Variants in SHMT2 observed in about 807,000 individuals in gnomAD.
SHMT2 encodes serine hydroxymethyltransferase 2.
Under a neutral mutation model 59.6 loss-of-function variants are expected in SHMT2, and 38 were observed. That is an observed-to-expected ratio of 0.64 (90% CI 0.49 to 0.84). The LOEUF (loss-of-function observed/expected upper bound fraction) is 0.84, where lower values mean the gene tolerates loss of function less well. Ranked by LOEUF, SHMT2 falls within the 40% of genes least tolerant of loss-of-function variation. The probability of loss-of-function intolerance (pLI) is 0.00; values close to 1 mark genes in which losing one functional copy is unlikely to be tolerated. For missense variants in SHMT2, 533 were observed against 659.5 expected (o/e 0.81, Z 2.10); for synonymous variants, 254 against 258.1 (o/e 0.98, Z 0.15).
chr12:57,232,484 T>G lies in SHMT2; in HGVS notation c.626T>G (p.Leu209Arg). The change falls in exon 6 of 12, where the codon CTG becomes CGG. Residue 209 changes from leucine to arginine, a missense_variant. Physicochemically the swap from Leu to Arg is moderately radical, Grantham distance 102 (BLOSUM62 -2). Coordinates refer to ENST00000328923, the MANE Select transcript of SHMT2 (RefSeq NM_005412.6). ...ACTGGCCTCATTGACTACAACCAGC[T>G]GGCACTGACTGCTCGACTTTTCCGG... ...PKTGLIDYNQ[L>R]ALTARLFRPR... 6.2e-7 allele frequency: 1 copy of G among 1,614,244 alleles called. No homozygotes were observed. Among genetic ancestry groups the G allele is most frequent in the Non-Finnish European group, 8.5e-7 (1 of 1,180,034 alleles).
chr12:57,232,094 G>A, intron 4 of SHMT2, 117 bp from the exon 5 acceptor site: 5 of 1,139,948 alleles, frequency 4.4e-6, no homozygotes, highest in Non-Finnish European at 6.6e-6. Flanking sequence ...GGACAGAGCA[G>A]TGAGGCGGTG....
Position 57,233,888 on chromosome 12 carries a change from G to C in SHMT2, c.1263G>C (p.Pro421=). ...CTGGAGACCGAAGTGCCATCACACC[G>C]GGCGGCCTGCGGCTTGGTGAGACCT... ...TCPGDRSAIT[P]GGLRLGAPAL... The change falls in exon 10 of 12, where the codon CCG becomes CCC. Residue 421 remains proline (P), a synonymous_variant. Coordinates refer to ENST00000328923, the MANE Select transcript of SHMT2 (RefSeq NM_005412.6). The C allele has an allele frequency of 6.2e-7, 1 of 1,614,174 alleles. No individual in the cohort carries two copies. Among genetic ancestry groups the C allele is most frequent in the Non-Finnish European group, 8.5e-7 (1 of 1,180,042 alleles).
At chr12:57,231,234 C>G in intron 2 of SHMT2, 1 of 581,206 alleles carries the variant, frequency 1.7e-6, no homozygotes, top group South Asian at 2.1e-5. Context: ...TCCTTCCTTC[C>G]TCCTATGAGG....
intron 9 of SHMT2, 34 bp from the exon 10 acceptor site, chr12:57,233,715 G>A (rs1010318895): frequency 6.2e-7 from 1 of 1,613,324 alleles, no homozygotes; most frequent in Non-Finnish European, 8.5e-7. Flanking sequence ...CAGAGGCCCA[G>A]GACTCACCAC....
intron 2 of SHMT2, 105 bp from the exon 3 acceptor site, chr12:57,231,376 T>C: frequency 8.2e-7 from 1 of 1,212,760 alleles, no homozygotes; most frequent in Non-Finnish European, 1.2e-6. Flanking sequence ...TGGAGCTTTC[T>C]GCAGGGAGTA....
rs371899328 is a variant in SHMT2 at position 57,234,228 on chromosome 12, C to T, written c.1388-6C>T. ...GACCACTTGTTTCCTCACCCTCTCTCTCTAGCCAAGCTCCAGGATTTCAAA... is the reference window on the plus strand; with the variant it reads ...GACCACTTGTTTCCTCACCCTCTCTTTCTAGCCAAGCTCCAGGATTTCAAA... On this transcript the variant is annotated splice_polypyrimidine_tract_variant and splice_region_variant and intron_variant, in intron 11 of 11. Transcript: ENST00000328923. 1.9e-6 allele frequency: 3 copies of T among 1,611,866 alleles called. No homozygotes were observed. The highest frequency in any genetic ancestry group is 2.5e-6 in the Non-Finnish European group (3 of 1,178,616).
In SHMT2 at chr12:57,231,907, G is replaced by A; in HGVS notation, c.506G>A (p.Gly169Glu). ...ATCATGGGGCTGGACCTGCCCGATG[G>A]GGGCCAGTGAGTATGGATGGGCTGG... The part of the protein sequence containing the change: ...DRIMGLDLPD[G>E]GHLTHGYMSD... The change falls in exon 4 of 12, where the codon GGG becomes GAG. Residue 169 changes from glycine (G) to glutamate (E), a missense_variant. Physicochemically the swap from Gly to Glu is moderately conservative, Grantham distance 98 (BLOSUM62 -2). Coordinates refer to ENST00000328923, the MANE Select transcript of SHMT2 (RefSeq NM_005412.6). 6.2e-7 allele frequency: 1 copy of A among 1,607,402 alleles called. No homozygotes were observed. Among genetic ancestry groups the A allele is most frequent in the Non-Finnish European group, 8.5e-7 (1 of 1,176,712 alleles).
intron 8 of SHMT2, 25 bp from the exon 9 acceptor site, chr12:57,233,538 A>G (rs2037417349): frequency 1.2e-6 from 2 of 1,602,792 alleles, no homozygotes; most frequent in Non-Finnish European, 1.7e-6. Context: ...GCCTAGGGTG[A>G]CAGCTGCTAC....
chr12:57,229,835 G>T, intron 1 of SHMT2, 24 bp downstream of exon 1: 1 of 1,613,966 alleles, frequency 6.2e-7, no homozygotes, highest in Non-Finnish European at 8.5e-7. Flanking sequence ...TCCAAACGCT[G>T]GGTAATCAGT....
Position 57,234,642 on chromosome 12 carries a change from TGAG to T in SHMT2, c.*285_*287del. On this transcript the variant is annotated 3_prime_UTR_variant, in exon 12 of 12. Transcript: ENST00000328923. ...GACGCGTCCTCTTTCTTGGGGAAGT[TGAG>T]GAGTGCCCTTCAGAGCCAGTAGCAG... 3.7e-6 allele frequency: 1 copy of T among 271,134 alleles called. No individual in the cohort carries two copies. The highest frequency in any genetic ancestry group is 6.8e-6 in the Non-Finnish European group (1 of 145,990). The allele number at this position is 271,134 out of a possible 1,614,324, so 16.8% of individuals were successfully genotyped here.
At chr12:57,232,610 C>T in intron 6 of SHMT2, 35 bp downstream of exon 6, 1 of 1,613,522 alleles carries the variant, frequency 6.2e-7, no homozygotes, top group Non-Finnish European at 8.5e-7. Flanking sequence ...GGCACCTCCC[C>T]AGGGGGTGGT....
chr12:57,230,793 C>T lies in SHMT2; in HGVS notation c.34-10C>T, dbSNP rs1205895709. On this transcript the variant is annotated splice_polypyrimidine_tract_variant and intron_variant, in intron 1 of 11. Transcript: ENST00000328923. ...TGTTGTGATTTCACCCTGACTTTTCCTGCCTTCAGCCTCTGCAGAGATGTG... is the reference window on the plus strand; with the variant it reads ...TGTTGTGATTTCACCCTGACTTTTCTTGCCTTCAGCCTCTGCAGAGATGTG... The T allele has an allele frequency of 1.2e-6, 2 of 1,613,330 alleles. No homozygotes were observed. The highest frequency in any genetic ancestry group is 3.3e-5 in the Admixed American group (2 of 60,000).
chr12:57,234,649 T>C lies in SHMT2; in HGVS notation c.*288T>C, dbSNP rs1230642157. The C allele has an allele frequency of 7.6e-6, 2 of 262,846 alleles. No individual in the cohort carries two copies. The highest frequency in any genetic ancestry group is 1.4e-5 in the Non-Finnish European group (2 of 140,608). 16.3% of individuals were successfully genotyped at this position (262,846 alleles called of 1,614,324 possible). A position where few individuals can be genotyped will look rare whatever the true frequency, so the allele number is the denominator to read the frequency against. On this transcript the variant is annotated 3_prime_UTR_variant, in exon 12 of 12. Coordinates refer to ENST00000328923, the MANE Select transcript of SHMT2 (RefSeq NM_005412.6). ...CCTCTTTCTTGGGGAAGTTGAGGAG[T>C]GCCCTTCAGAGCCAGTAGCAGGCAG...
Position 57,234,729 on chromosome 12 carries a change from T to C in SHMT2, c.*368T>C, listed in dbSNP as rs1592689841. ...TATCTAATAAAATGCTAACCTGCCC[T>C]GAGTTTCCATTACTGTGGGTGGGGT... On this transcript the variant is annotated 3_prime_UTR_variant, in exon 12 of 12. Transcript: ENST00000328923. 5.8e-6 allele frequency: 1 copy of C among 171,928 alleles called. No homozygotes were observed. The highest frequency in any genetic ancestry group is 5.8e-5 in the Admixed American group (1 of 17,338). The allele number at this position is 171,928 out of a possible 1,614,324, so 10.7% of individuals were successfully genotyped here.
intron 1 of SHMT2, 131 bp downstream of exon 1, chr12:57,229,942 C>T (rs2037244331): frequency 1.3e-6 from 2 of 1,485,568 alleles, no homozygotes; most frequent in Non-Finnish European, 9.0e-7. Flanking sequence ...AGGGAGCGGA[C>T]GTGTAACTGG....
In SHMT2 at chr12:57,234,350, G is replaced by C. The variant is rs1043924088; in HGVS notation, c.1504G>C (p.Asp502His). 3 of 1,602,186 alleles carry C rather than the reference G, an allele frequency of 1.9e-6. No individual in the cohort carries two copies. The highest frequency in any genetic ancestry group is 2.6e-6 in the Non-Finnish European group (3 of 1,174,462). The change falls in exon 12 of 12, where the codon GAT becomes CAT. Residue 502 changes from aspartate (D) to histidine (H), a missense_variant. Physicochemically the swap from Asp to His is moderately conservative, Grantham distance 81. Coordinates refer to ENST00000328923, the MANE Select transcript of SHMT2 (RefSeq NM_005412.6). ...FARAFPMPGF[D>H]EH ...CAGGGCCTTCCCCATGCCTGGTTTTGATGAGCATTGAAGGCACCTGGGAAA... is the reference window on the plus strand; with the variant it reads ...CAGGGCCTTCCCCATGCCTGGTTTTCATGAGCATTGAAGGCACCTGGGAAA...
Position 57,234,635 on chromosome 12 carries a change from G to T in SHMT2, c.*274G>T, listed in dbSNP as rs1257891329. On this transcript the variant is annotated 3_prime_UTR_variant, in exon 12 of 12. Coordinates refer to ENST00000328923, the MANE Select transcript of SHMT2 (RefSeq NM_005412.6). The stretch of plus-strand genomic sequence containing the variant: ...TGTCAGAGACGCGTCCTCTTTCTTG[G>T]GGAAGTTGAGGAGTGCCCTTCAGAG... 3 of 276,374 alleles carry T rather than the reference G, an allele frequency of 1.1e-5. No individual in the cohort carries two copies. Among genetic ancestry groups the T allele is most frequent in the Non-Finnish European group, 2.0e-5 (3 of 149,528 alleles). 17.1% of individuals were successfully genotyped at this position (276,374 alleles called of 1,614,324 possible). A position where few individuals can be genotyped will look rare whatever the true frequency, so the allele number is the denominator to read the frequency against.
Position 57,234,096 on chromosome 12 carries a change from T to TGAA in SHMT2, c.1376_1378dup (p.Lys459dup), listed in dbSNP as rs760286655. 3.1e-6 allele frequency: 5 copies of TGAA among 1,614,038 alleles called. No homozygotes were observed. The Admixed American group carries it at 8.3e-5, about 27-fold the overall frequency. ...GAAGGGGTCAACATTGGCTTAGAGGTGAAGAGCAAGACTGGTGAGTGAGCA... is the reference window on the plus strand; with the variant it reads ...GAAGGGGTCAACATTGGCTTAGAGGTGAAGAAGAGCAAGACTGGTGAGTGAGCA... On this transcript the variant is annotated inframe_insertion, in exon 11 of 12. Coordinates refer to ENST00000328923, the MANE Select transcript of SHMT2 (RefSeq NM_005412.6).
At chr12:57,232,185 C>A (rs372256099) in intron 4 of SHMT2, 26 bp from the exon 5 acceptor site, 40 of 1,607,152 alleles carry the variant, frequency 2.5e-5, no homozygotes, top group African/African-American at 4.0e-5. Flanking sequence ...TCCACCCAGG[C>A]CTTCTTACTT....
Sources: gnomAD v4.1 joint callset for allele counts on GRCh38, gnomAD v4.1.1 for gene constraint, MANE v1.5 for transcripts, NCBI Gene and HGNC (gene_info 2026-07-23, HGNC 2026-07-21) for gene names.